The following SOX6 variants were observed in gnomAD, a reference collection of about 807,000 sequenced individuals.
SOX6 encodes the protein transcription factor SOX-6.
A neutral mutation model predicts 97.8 loss-of-function variants in SOX6; 11 were observed. The observed-to-expected ratio is 0.11, with a 90% CI of 0.07 to 0.19. SOX6 has a LOEUF of 0.19. Among genes scored for constraint, SOX6 ranks in the 10% least tolerant of loss-of-function variants. The probability of loss-of-function intolerance (pLI) is 1.00; values close to 1 mark genes in which losing one functional copy is unlikely to be tolerated. For missense variants in SOX6, 810 were observed against 1,039.5 expected, an observed-to-expected ratio of 0.78 and a Z score of 3.04; for synonymous variants, 360 against 371.4, an observed-to-expected ratio of 0.97 and a Z score of 0.35.
rs370335142 is a variant in SOX6, at chr11:16,283,089, G to GTGTATATATATA, written c.445+35356_445+35357insTATATATATACA. Among the ~76,000 whole-genome samples, 8 of 113,696 alleles carry GTGTATATATATA rather than the reference G, an allele frequency of 7.0e-5. No homozygotes were observed. In the East Asian group the frequency reaches 7.1e-4, roughly 10 times the overall value. 74.6% of individuals were successfully genotyped at this position (113,696 alleles called of 152,430 possible). A position where few individuals can be genotyped will look rare whatever the true frequency, so the allele number is the denominator to read the frequency against. ...TATATATGTAAATTATATATAATTTGTATATATATATATATATATATATAT... is the reference window on the plus strand; with the variant it reads ...TATATATGTAAATTATATATAATTTGTGTATATATATATATATATATATATATATATATATAT... On this transcript the variant is annotated intron_variant, in intron 3 of 15. Transcript: ENST00000683767.
intron 13 of SOX6, among the ~76,000 whole-genome samples, chr11:15,994,371 TAA>T (rs369275335): frequency 1.0e-5 from 1 of 96,080 alleles, no homozygotes; most frequent in Non-Finnish European, 2.2e-5. Flanking sequence ...CACAGGGTTA[TAA>T]AAAAAAAAAG....
At chr11:16,349,747 G>GGAA (rs1856884747) in intron 1 of SOX6, among the ~76,000 whole-genome samples, 1 of 143,776 alleles carries the variant, frequency 7.0e-6, no homozygotes, top group Non-Finnish European at 1.5e-5. Context: ...AAGGAAGGAA[G>GGAA]GAAGGAAGGA....
chr11:16,676,241 C>T (rs1349009046), intron 3 of SOX6, among the ~76,000 whole-genome samples: 1 of 152,188 alleles, frequency 6.6e-6, no homozygotes, highest in Non-Finnish European at 1.5e-5. Context: ...ACCATAATTT[C>T]TCTTTGGTTC....
chr11:16,489,009 A>T (rs578086288), intron 4 of SOX6, among the ~76,000 whole-genome samples: 2 of 152,260 alleles, frequency 1.3e-5, no homozygotes, highest in Admixed American at 1.3e-4. Context: ...TAGGTACATG[A>T]TGTAAAGCCA....
At chr11:16,489,548 A>C (rs552512581) in intron 4 of SOX6, among the ~76,000 whole-genome samples, 46 of 152,280 alleles carry the variant, frequency 3.0e-4, no homozygotes, top group African/African-American at 1.0e-3. Context: ...TCTTTAAATC[A>C]GCAATATTCC....
At chr11:16,194,694 C>T (rs921744385) in intron 4 of SOX6, among the ~76,000 whole-genome samples, 3 of 152,216 alleles carry the variant, frequency 2.0e-5, no homozygotes, top group Non-Finnish European at 4.4e-5. Context: ...CCTACTTCCC[C>T]TCTTCCTGGC....
At chr11:16,618,519 C>T (rs906490692) in intron 3 of SOX6, among the ~76,000 whole-genome samples, 6 of 151,770 alleles carry the variant, frequency 4.0e-5, no homozygotes, top group Non-Finnish European at 8.9e-5. Context: ...AAAAGATAAA[C>T]ATATGCAACT....
intron 2 of SOX6, among the ~76,000 whole-genome samples, chr11:16,333,701 G>A (rs1293162224): frequency 1.3e-5 from 2 of 151,902 alleles, no homozygotes. Context: ...CTAGATTCAC[G>A]CTAGACTAGA....
At chr11:16,457,754 T>C (rs776056818) in intron 1 of SOX6, among the ~76,000 whole-genome samples, 6 of 152,084 alleles carry the variant, frequency 3.9e-5, no homozygotes, top group Non-Finnish European at 7.4e-5. Flanking sequence ...CACCGCTTTC[T>C]TCCAAGGTCC....
chr11:16,704,744 C>T (rs980741964), intron 3 of SOX6, among the ~76,000 whole-genome samples: 1 of 152,110 alleles, frequency 6.6e-6, no homozygotes, highest in African/African-American at 2.4e-5. Flanking sequence ...TATAGGTGGG[C>T]TTTATAAAAC....
intron 14 of SOX6, among the ~76,000 whole-genome samples, chr11:15,988,327 A>G (rs1336517508): frequency 1.3e-5 from 2 of 152,242 alleles, no homozygotes; most frequent in Non-Finnish European, 2.9e-5. Context: ...GCTTGAGTTT[A>G]ATCCTGAGAA....
intron 2 of SOX6, among the ~76,000 whole-genome samples, chr11:16,721,258 G>A (rs1480610020): frequency 2.0e-5 from 3 of 152,188 alleles, no homozygotes; most frequent in Admixed American, 6.5e-5. Context: ...GGTTAAAAAT[G>A]GATTTGGCAC....
intron 6 of SOX6, among the ~76,000 whole-genome samples, chr11:16,132,401 A>AG (rs34012369): frequency 0.022 from 950 of 43,472 alleles, 44 homozygotes; most frequent in African/African-American, 0.029. Flanking sequence ...AAAGAAAGAA[A>AG]AAAGAAAGAA....
At position 15,973,062 on chromosome 11, in the gene SOX6, C is replaced by A; in HGVS notation, c.2234G>T (p.Gly745Val). Reference sequence around the variant, plus strand: ...TGTGGTAGTTGCCATAGTGATAGCACCAGGATACACAACACCTGTTCCTGT... The same window carrying A: ...TGTGGTAGTTGCCATAGTGATAGCAACAGGATACACAACACCTGTTCCTGT... Reference protein sequence around the residue: ...ITTGTGVVYPGAITMATTTPS... With the variant: ...ITTGTGVVYPVAITMATTTPS... The change falls in exon 16 of 16, where the codon GGT (glycine) becomes GTT (valine). Residue 745 changes from glycine (G) to valine (V), a missense_variant. Gly to Val is a moderately radical substitution (Grantham distance 109). Around this residue, in one of 9 missense-constraint regions of SOX6, gnomAD observed 122 missense variants for 153.4 expected, o/e 0.80. Transcript: ENST00000683767. 6.2e-7 allele frequency: 1 copy of A among 1,614,112 alleles called. No homozygotes were observed. The highest frequency in any genetic ancestry group is 1.3e-5 in the African/African-American group (1 of 75,030).
At chr11:16,588,155 A>C (rs915566649) in intron 4 of SOX6, among the ~76,000 whole-genome samples, 1 of 152,220 alleles carries the variant, frequency 6.6e-6, no homozygotes, top group Non-Finnish European at 1.5e-5. Context: ...AATTCCTAGC[A>C]TTTGTCACTT....
intron 4 of SOX6, among the ~76,000 whole-genome samples, chr11:16,524,801 A>G (rs1340950195): frequency 5.3e-5 from 8 of 152,246 alleles, no homozygotes; most frequent in Non-Finnish European, 1.2e-4. Context: ...TACAAAATCA[A>G]TGTGCAAAAA....
intron 3 of SOX6, among the ~76,000 whole-genome samples, chr11:16,255,377 T>C (rs184125537): frequency 4.6e-5 from 7 of 152,112 alleles, no homozygotes; most frequent in African/African-American, 1.7e-4. Context: ...ACACAACAAG[T>C]TGAAAACAAT....
chr11:16,505,069 G>C (rs1423772639), intron 4 of SOX6, among the ~76,000 whole-genome samples: 1 of 152,170 alleles, frequency 6.6e-6, no homozygotes, highest in East Asian at 1.9e-4. Flanking sequence ...TGAAAATGTG[G>C]AAGCAGCTGC....
At chr11:16,598,190 G>T (rs1212015974) in intron 4 of SOX6, among the ~76,000 whole-genome samples, 1 of 151,794 alleles carries the variant, frequency 6.6e-6, no homozygotes, top group African/African-American at 2.4e-5. Context: ...CTATGATATA[G>T]GTATTATTAT....
Sources: gnomAD v4.1 joint callset for allele counts (sites outside exome capture counted in the v4.1 genomes callset) on GRCh38, gnomAD v4.1.1 for gene constraint, gnomAD v4.1.1 regional missense constraint, MANE v1.5 for transcripts, NCBI Gene and HGNC (gene_info 2026-07-23, HGNC 2026-07-21) for gene names.